CNTNAP2: variants seen among roughly 807,000 people sequenced by gnomAD.
CNTNAP2 encodes contactin associated protein 2.
CNTNAP2 carries 98 observed loss-of-function variants against 155.2 expected under a neutral mutation model. The ratio of observed to expected loss-of-function variants is 0.63; its 90% CI spans 0.54 to 0.75. The LOEUF is 0.75. Among genes scored for constraint, CNTNAP2 ranks in the 30% least tolerant of loss-of-function variants. CNTNAP2 has a pLI of 0.00. For synonymous variants in CNTNAP2, 651 were observed against 631.2 expected (o/e 1.03, Z -0.47); for missense variants, 1,727 against 1,688.1 (o/e 1.02, Z -0.40).
chr7:147,612,164 AAAT>A, intron 12 of CNTNAP2, among the ~76,000 whole-genome samples: 1 of 152,312 alleles, frequency 6.6e-6, no homozygotes, highest in African/African-American at 2.4e-5. Flanking sequence ...TTAATACTTT[AAAT>A]AACTAGACAT....
At chr7:148,116,635 A>G (rs1336667357) in intron 15 of CNTNAP2, among the ~76,000 whole-genome samples, 1 of 152,234 alleles carries the variant, frequency 6.6e-6, no homozygotes, top group South Asian at 2.1e-4. Flanking sequence ...AGACATTTCT[A>G]AAAACAAAAA....
chr7:147,881,417 A>G (rs1311759157), intron 13 of CNTNAP2, among the ~76,000 whole-genome samples: 1 of 152,208 alleles, frequency 6.6e-6, no homozygotes, highest in Admixed American at 6.5e-5. Context: ...CTGAATTATT[A>G]TGAATCCTAG....
intron 13 of CNTNAP2, among the ~76,000 whole-genome samples, chr7:147,869,866 A>C (rs1218120570): frequency 1.3e-5 from 2 of 152,184 alleles, no homozygotes; most frequent in African/African-American, 4.8e-5. Context: ...TCATCTCATC[A>C]GTTTATCCAT....
chr7:147,458,477 GTGAAAA>G (rs1797960821), intron 10 of CNTNAP2, among the ~76,000 whole-genome samples: 1 of 152,114 alleles, frequency 6.6e-6, no homozygotes, highest in Non-Finnish European at 1.5e-5. Context: ...CCTTTCATCA[GTGAAAA>G]TGAAAATGAA....
chr7:146,163,199 T>G (rs747711119), intron 1 of CNTNAP2, among the ~76,000 whole-genome samples: 3 of 151,990 alleles, frequency 2.0e-5, no homozygotes, highest in Non-Finnish European at 4.4e-5. Flanking sequence ...AGCAATTGAA[T>G]GTACATAATA....
chr7:146,595,431 C>T (rs1798845939), intron 1 of CNTNAP2, among the ~76,000 whole-genome samples: 1 of 151,784 alleles, frequency 6.6e-6, no homozygotes, highest in African/African-American at 2.4e-5. Flanking sequence ...GACCATTATT[C>T]CTTAAGAGGA....
chr7:146,636,599 C>G (rs1799604346), intron 1 of CNTNAP2, among the ~76,000 whole-genome samples: 1 of 152,180 alleles, frequency 6.6e-6, no homozygotes, highest in African/African-American at 2.4e-5. Context: ...ATACTAATTA[C>G]CTTCTCATAA....
intron 10 of CNTNAP2, among the ~76,000 whole-genome samples, chr7:147,429,151 T>C (rs1162086267): frequency 6.8e-6 from 1 of 147,524 alleles, no homozygotes; most frequent in Non-Finnish European, 1.5e-5. Context: ...TGTGTGTTTG[T>C]GTATATATAT....
intron 3 of CNTNAP2, among the ~76,000 whole-genome samples, chr7:146,845,158 T>C (rs555692714): frequency 1.3e-5 from 2 of 152,210 alleles, no homozygotes; most frequent in African/African-American, 4.8e-5. Flanking sequence ...GTTTCATTTA[T>C]GAAACATTTG....
chr7:147,425,524 A>G (rs564813724), intron 10 of CNTNAP2, among the ~76,000 whole-genome samples: 81 of 152,216 alleles, frequency 5.3e-4, no homozygotes, highest in African/African-American at 1.9e-3. Flanking sequence ...ATATCTTTAG[A>G]AACTCCCTGA....
chr7:146,458,207 G>GT (rs1796585544), intron 1 of CNTNAP2, among the ~76,000 whole-genome samples: 1 of 152,080 alleles, frequency 6.6e-6, no homozygotes, highest in Non-Finnish European at 1.5e-5. Flanking sequence ...TAATACCTAG[G>GT]TGATAGGTTG....
At chr7:147,068,240 G>C (rs1799821135) in intron 4 of CNTNAP2, among the ~76,000 whole-genome samples, 1 of 152,178 alleles carries the variant, frequency 6.6e-6, no homozygotes. Flanking sequence ...AGTTGTATGT[G>C]TCCATTTGGC....
chr7:148,014,409 G>A (rs907472826), intron 15 of CNTNAP2: 39 of 152,040 alleles, frequency 2.6e-4, no homozygotes, highest in African/African-American at 9.2e-4. Context: ...CCTGGAGAAG[G>A]GGCATTTGAT....
At chr7:148,135,658 G>A (rs1804921570) in intron 16 of CNTNAP2, among the ~76,000 whole-genome samples, 1 of 150,736 alleles carries the variant, frequency 6.6e-6, no homozygotes, top group Non-Finnish European at 1.5e-5. Flanking sequence ...AGAAAAACCT[G>A]GTCAACATGG....
intron 1 of CNTNAP2, among the ~76,000 whole-genome samples, chr7:146,735,618 T>A (rs1256104272): frequency 6.8e-6 from 1 of 146,510 alleles, no homozygotes; most frequent in Non-Finnish European, 1.5e-5. Flanking sequence ...AAATATACAT[T>A]GTGGCTATAC....
At chr7:146,752,267 C>T (rs565110163) in intron 1 of CNTNAP2, among the ~76,000 whole-genome samples, 2 of 152,276 alleles carry the variant, frequency 1.3e-5, no homozygotes, top group South Asian at 4.1e-4. Context: ...TCCTATTTTT[C>T]CACAGCCTTG....
intron 9 of CNTNAP2, among the ~76,000 whole-genome samples, chr7:147,318,337 G>T (rs1332650313): frequency 1.3e-5 from 2 of 152,250 alleles, no homozygotes; most frequent in Non-Finnish European, 2.9e-5. Flanking sequence ...AGCTACTTGG[G>T]AGGCTGAGGC....
chr7:146,485,896 C>CTATACAA (rs1797048086), intron 1 of CNTNAP2, among the ~76,000 whole-genome samples: 1 of 152,000 alleles, frequency 6.6e-6, no homozygotes, highest in Non-Finnish European at 1.5e-5. Flanking sequence ...TAGAATCTGT[C>CTATACAA]TATACAATTT....
At chr7:146,273,018 T>A (rs1476764917) in intron 1 of CNTNAP2, among the ~76,000 whole-genome samples, 3 of 148,160 alleles carry the variant, frequency 2.0e-5, no homozygotes, top group African/African-American at 7.6e-5. Flanking sequence ...TACATTGGGC[T>A]GGGAGGGAGT....
Sources: gnomAD v4.1 joint callset for allele counts (sites outside exome capture counted in the v4.1 genomes callset) on GRCh38, gnomAD v4.1.1 for gene constraint, MANE v1.5 for transcripts, NCBI Gene and HGNC (gene_info 2026-07-23, HGNC 2026-07-21) for gene names.